Variants in SPIDR observed in about 807,000 individuals in gnomAD.
SPIDR encodes the protein DNA repair-scaffolding protein.
A neutral mutation model predicts 104.6 loss-of-function variants in SPIDR; 93 were observed. The ratio of observed to expected loss-of-function variants is 0.89; its 90% CI spans 0.75 to 1.06. The LOEUF (loss-of-function observed/expected upper bound fraction) is 1.06. Among genes scored for constraint, SPIDR ranks in the 50% least tolerant of loss-of-function variants. The pLI, the probability that SPIDR is intolerant of heterozygous loss-of-function variation, is 0.00. For missense variants in SPIDR, 1,154 were observed against 1,111.2 expected (o/e 1.04, Z -0.55); for synonymous variants, 431 against 416.9 (o/e 1.03, Z -0.41).
chr8:47,667,820 A>G (rs1225839365), intron 10 of SPIDR: 2 of 152,220 alleles, frequency 1.3e-5, no homozygotes, highest in African/African-American at 4.8e-5. Context: ...TACAGAGAAG[A>G]TTAGCGTGGC....
At chr8:47,282,284 A>G (rs915979880) in intron 2 of SPIDR, among the ~76,000 whole-genome samples, 8 of 152,346 alleles carry the variant, frequency 5.3e-5, no homozygotes, top group Admixed American at 2.0e-4. Context: ...TAATATGAGT[A>G]TCAGTCTGTT....
rs1035933701 is a variant in SPIDR at position 47,736,035 on chromosome 8, G to C, written c.*585G>C. On this transcript the variant is annotated 3_prime_UTR_variant, in exon 20 of 20. Coordinates refer to ENST00000297423, the MANE Select transcript of SPIDR (RefSeq NM_001080394.4). Reference sequence around the variant, plus strand: ...ATCGTGTCTCTGCTGAATGGTGGTGGGGATAGCTGGCTCCACCACACACAC... The same window carrying C: ...ATCGTGTCTCTGCTGAATGGTGGTGCGGATAGCTGGCTCCACCACACACAC... 1.2e-5 allele frequency: 2 copies of C among 163,410 alleles called. No individual in the cohort carries two copies. The highest frequency in any genetic ancestry group is 4.8e-5 in the African/African-American group (2 of 41,478). 10.1% of individuals were successfully genotyped at this position (163,410 alleles called of 1,614,324 possible). A position where few individuals can be genotyped will look rare whatever the true frequency, so the allele number is the denominator to read the frequency against.
At chr8:47,655,551 C>T (rs544346619) in intron 10 of SPIDR, among the ~76,000 whole-genome samples, 15 of 152,178 alleles carry the variant, frequency 9.9e-5, no homozygotes, top group South Asian at 2.1e-4. Context: ...TCATATCCTT[C>T]GCCCACTTTT....
At chr8:47,420,964 T>C (rs182354284) in intron 7 of SPIDR, among the ~76,000 whole-genome samples, 21 of 152,398 alleles carry the variant, frequency 1.4e-4, no homozygotes, top group African/African-American at 4.8e-4. Flanking sequence ...TTGCAGAGTT[T>C]CTGCAAAGAT....
chr8:47,381,171 TC>T (rs1322013202), intron 5 of SPIDR, among the ~76,000 whole-genome samples: 2 of 152,196 alleles, frequency 1.3e-5, no homozygotes, highest in African/African-American at 4.8e-5. Flanking sequence ...GGTCCCTCCC[TC>T]CTTCCCTCCC....
At chr8:47,281,426 A>G (rs1219504674) in intron 2 of SPIDR, among the ~76,000 whole-genome samples, 3 of 152,256 alleles carry the variant, frequency 2.0e-5, no homozygotes, top group Non-Finnish European at 4.4e-5. Flanking sequence ...ACTTCTTTCA[A>G]AATTGGACTC....
intron 5 of SPIDR, among the ~76,000 whole-genome samples, chr8:47,322,110 G>T (rs1009164182): frequency 2.4e-4 from 36 of 152,052 alleles, no homozygotes; most frequent in Non-Finnish European, 4.0e-4. Flanking sequence ...CTAATTAAAC[G>T]AAAGAGCTTC....
intron 9 of SPIDR, among the ~76,000 whole-genome samples, chr8:47,598,455 A>G (rs2061875052): frequency 6.6e-6 from 1 of 152,234 alleles, no homozygotes; most frequent in Non-Finnish European, 1.5e-5. Flanking sequence ...TTATTATGAC[A>G]GCTGATACTA....
intron 5 of SPIDR, among the ~76,000 whole-genome samples, chr8:47,372,594 C>G (rs915428117): frequency 3.3e-5 from 5 of 151,480 alleles, no homozygotes; most frequent in African/African-American, 9.7e-5. Context: ...CCACTGCACT[C>G]CAGCCTGGGT....
chr8:47,291,209 G>T, intron 4 of SPIDR, 72 bp downstream of exon 4: 1 of 996,876 alleles, frequency 1.0e-6, no homozygotes. Context: ...TCAGAGTAAT[G>T]AAGGTAAATT....
chr8:47,551,418 TAG>T (rs748455473), intron 8 of SPIDR, among the ~76,000 whole-genome samples: 1 of 152,192 alleles, frequency 6.6e-6, no homozygotes, highest in Non-Finnish European at 1.5e-5. Flanking sequence ...TTTTGGTTGG[TAG>T]ACTATTAATT....
intron 12 of SPIDR, among the ~76,000 whole-genome samples, chr8:47,701,334 A>T (rs2080148787): frequency 6.6e-6 from 1 of 152,194 alleles, no homozygotes; most frequent in Non-Finnish European, 1.5e-5. Flanking sequence ...CGGGAGGCTG[A>T]GGCAGGAGAA....
At chr8:47,574,647 G>A (rs1278699336) in intron 8 of SPIDR, among the ~76,000 whole-genome samples, 4 of 151,944 alleles carry the variant, frequency 2.6e-5, no homozygotes, top group African/African-American at 2.4e-5. Context: ...TTACTTGGGC[G>A]TAGTGGCAGG....
At chr8:47,567,268 G>C (rs1332727533) in intron 8 of SPIDR, among the ~76,000 whole-genome samples, 2 of 151,302 alleles carry the variant, frequency 1.3e-5, no homozygotes, top group African/African-American at 4.9e-5. Context: ...TGCCCATGCT[G>C]GAGTGCAATG....
chr8:47,411,014 A>G (rs1345118144), intron 7 of SPIDR, among the ~76,000 whole-genome samples: 1 of 152,184 alleles, frequency 6.6e-6, no homozygotes, highest in African/African-American at 2.4e-5. Context: ...GCTGCATAGT[A>G]TTTCATGGTG....
At chr8:47,420,692 G>T (rs1292225639) in intron 7 of SPIDR, among the ~76,000 whole-genome samples, 4 of 152,156 alleles carry the variant, frequency 2.6e-5, no homozygotes, top group Non-Finnish European at 5.9e-5. Flanking sequence ...ATTAGTTGAT[G>T]CAGTTTCTTC....
chr8:47,592,094 A>T, intron 8 of SPIDR: 6 of 1,267,800 alleles, frequency 4.7e-6, no homozygotes, highest in Non-Finnish European at 6.8e-6. Flanking sequence ...AAAAAGGAGG[A>T]AGTCTTGGCA....
intron 8 of SPIDR, among the ~76,000 whole-genome samples, chr8:47,455,235 A>C (rs1048306956): frequency 6.6e-6 from 1 of 152,146 alleles, no homozygotes; most frequent in Non-Finnish European, 1.5e-5. Context: ...CAGAATAAAA[A>C]GGGAGGGGGT....
chr8:47,370,640 G>A (rs2057884545), intron 5 of SPIDR, among the ~76,000 whole-genome samples: 1 of 151,298 alleles, frequency 6.6e-6, no homozygotes, highest in Middle Eastern at 3.2e-3. Flanking sequence ...AATAGAGACA[G>A]GGTTTCACCA....
Sources: gnomAD v4.1 joint callset for allele counts (sites outside exome capture counted in the v4.1 genomes callset) on GRCh38, gnomAD v4.1.1 for gene constraint, MANE v1.5 for transcripts, NCBI Gene and HGNC (gene_info 2026-07-23, HGNC 2026-07-21) for gene names.